Variants in TNIK observed in about 807,000 individuals in gnomAD.
The protein encoded by TNIK is TRAF2 and NCK interacting kinase, also known as TRAF2 and NCK-interacting protein kinase.
In TNIK, 49 loss-of-function variants were observed where a neutral mutation model predicts 191.3. The ratio of observed to expected loss-of-function variants is 0.26; its 90% CI spans 0.20 to 0.32. The LOEUF (loss-of-function observed/expected upper bound fraction) is 0.32. Among genes scored for constraint, TNIK ranks in the 10% least tolerant of loss-of-function variants. The pLI is 1.00. For missense variants in TNIK, 1,155 were observed against 1,702.3 expected (o/e 0.68, Z 5.66); for synonymous variants, 594 against 600.9 (o/e 0.99, Z 0.17).
At chr3:171,315,769 ACTGTGT>A (rs1383433130) in intron 2 of TNIK, among the ~76,000 whole-genome samples, 1 of 151,918 alleles carries the variant, frequency 6.6e-6, no homozygotes, top group African/African-American at 2.4e-5. Flanking sequence ...GGCATTCCCC[ACTGTGT>A]CTGTGTCTGT....
intron 18 of TNIK, among the ~76,000 whole-genome samples, chr3:171,118,093 G>C (rs990244641): frequency 6.6e-6 from 1 of 152,166 alleles, no homozygotes; most frequent in Non-Finnish European, 1.5e-5. Context: ...CTTCAGCAAA[G>C]TCTCAGGATA....
At chr3:171,273,959 A>G (rs1749426524) in intron 2 of TNIK, among the ~76,000 whole-genome samples, 1 of 152,234 alleles carries the variant, frequency 6.6e-6, no homozygotes, top group African/African-American at 2.4e-5. Context: ...TAAGAGATTA[A>G]GCACTGTCAC....
chr3:171,293,766 T>TA (rs1751953097), intron 2 of TNIK, among the ~76,000 whole-genome samples: 1 of 152,158 alleles, frequency 6.6e-6, no homozygotes, highest in Non-Finnish European at 1.5e-5. Context: ...TCAAAATTCA[T>TA]AAAAAATAAC....
intron 2 of TNIK, among the ~76,000 whole-genome samples, chr3:171,308,172 C>A (rs1753658173): frequency 6.6e-6 from 1 of 152,106 alleles, no homozygotes; most frequent in Non-Finnish European, 1.5e-5. Flanking sequence ...AGACTTCAAA[C>A]TATACTACAG....
chr3:171,080,613 A>C (rs938061730), intron 27 of TNIK, among the ~76,000 whole-genome samples: 3 of 151,868 alleles, frequency 2.0e-5, no homozygotes. Context: ...TAATTTTTAT[A>C]TTTTTAGTAG....
chr3:171,138,858 C>G (rs1379525085), intron 14 of TNIK, among the ~76,000 whole-genome samples: 1 of 152,056 alleles, frequency 6.6e-6, no homozygotes, highest in Non-Finnish European at 1.5e-5. Context: ...CATTAGCAAG[C>G]TTATGTACAG....
chr3:171,140,650 G>T, intron 12 of TNIK, 141 bp from the exon 13 acceptor site: 1 of 709,916 alleles, frequency 1.4e-6, no homozygotes. Flanking sequence ...TTCTCTCCGG[G>T]GCTGTTGGAG....
chr3:171,434,252 A>G (rs1480234552), intron 1 of TNIK, among the ~76,000 whole-genome samples: 1 of 151,666 alleles, frequency 6.6e-6, no homozygotes, highest in East Asian at 1.9e-4. Flanking sequence ...ATCTTTTTTC[A>G]AATATATTTT....
chr3:171,337,125 T>C (rs779224616), intron 2 of TNIK, among the ~76,000 whole-genome samples: 1 of 152,228 alleles, frequency 6.6e-6, no homozygotes, highest in Non-Finnish European at 1.5e-5. Flanking sequence ...AACGTAAAAG[T>C]GTGCTGTGCA....
At chr3:171,133,898 C>T (rs1447662843) in intron 15 of TNIK, among the ~76,000 whole-genome samples, 1 of 152,130 alleles carries the variant, frequency 6.6e-6, no homozygotes, top group Non-Finnish European at 1.5e-5. Flanking sequence ...TGTTTGCAAA[C>T]AAACACTCCA....
chr3:171,270,078 T>G lies in TNIK; in HGVS notation c.124-41857A>C, dbSNP rs188747530. ...TGCATATACACCCACATTTACACAC[T>G]TACTTTGAGCAGTTCAATTTCTGCT... On this transcript the variant is annotated intron_variant, in intron 2 of 32. Coordinates refer to ENST00000436636, the MANE Select transcript of TNIK (RefSeq NM_015028.4). Among the ~76,000 whole-genome samples the G allele has an allele frequency of 4.6e-5, 7 of 152,202 alleles. No homozygotes were observed. In the East Asian group the frequency reaches 1.3e-3, roughly 29 times the overall value.
At position 171,089,572 on chromosome 3, in the gene TNIK, T is replaced by C. The variant is rs547495419; in HGVS notation, c.2722-2066A>G. On this transcript the variant is annotated intron_variant, in intron 23 of 32. Transcript: ENST00000436636. ...GGCTAACAAGGGGAAGTGGCTCAGA[T>C]AGTGAGAAGCTTAAAGGAATCCAGT... 3.9e-5 allele frequency among the ~76,000 whole-genome samples: 6 copies of C among 152,274 alleles called. No individual in the cohort carries two copies. The South Asian group carries it at 1.2e-3, about 32-fold the overall frequency.
At chr3:171,279,400 T>G (rs972660978) in intron 2 of TNIK, among the ~76,000 whole-genome samples, 1 of 152,350 alleles carries the variant, frequency 6.6e-6, no homozygotes, top group East Asian at 1.9e-4. Flanking sequence ...TTGGTCAAAT[T>G]GTTTTTAGAC....
At position 171,352,823 on chromosome 3, in the gene TNIK, A is replaced by G. The variant is rs190917430; in HGVS notation, c.123+16797T>C. On this transcript the variant is annotated intron_variant, in intron 2 of 32. Transcript: ENST00000436636. Reference sequence around the variant, plus strand: ...ACGCCTCCTTCTAAGGTACTTTAAAAGGTCAAGTTTTGCCCAAGTCTCCTC... The same window carrying G: ...ACGCCTCCTTCTAAGGTACTTTAAAGGGTCAAGTTTTGCCCAAGTCTCCTC... Among the ~76,000 whole-genome samples the G allele has an allele frequency of 3.9e-4, 60 of 152,298 alleles. No homozygotes were observed. In the East Asian group the frequency reaches 0.011, roughly 27 times the overall value.
chr3:171,276,224 A>AC (rs1749732141), intron 2 of TNIK, among the ~76,000 whole-genome samples: 1 of 152,198 alleles, frequency 6.6e-6, no homozygotes, highest in Non-Finnish European at 1.5e-5. Flanking sequence ...GCCCCTCCAC[A>AC]CCCTTTTATA....
intron 1 of TNIK, among the ~76,000 whole-genome samples, chr3:171,441,868 C>T (rs1461130310): frequency 6.6e-6 from 1 of 152,148 alleles, no homozygotes; most frequent in Non-Finnish European, 1.5e-5. Flanking sequence ...AAAGGTTTGA[C>T]TTTATCAAGT....
intron 2 of TNIK, among the ~76,000 whole-genome samples, chr3:171,264,961 G>C (rs1362456791): frequency 6.6e-6 from 1 of 152,174 alleles, no homozygotes; most frequent in Admixed American, 6.5e-5. Context: ...TGCTGTATTA[G>C]GCCCAGTAGG....
intron 7 of TNIK, among the ~76,000 whole-genome samples, chr3:171,182,959 A>G (rs1289030548): frequency 2.0e-5 from 3 of 152,370 alleles, no homozygotes; most frequent in East Asian, 1.9e-4. Context: ...AGAGAATTCA[A>G]TAAGGAAGAA....
intron 19 of TNIK, among the ~76,000 whole-genome samples, chr3:171,109,191 G>C (rs1230856927): frequency 6.6e-6 from 1 of 152,088 alleles, no homozygotes; most frequent in Non-Finnish European, 1.5e-5. Flanking sequence ...TTTAGAGATG[G>C]GGCTCTGTCA....
Sources: allele counts gnomAD v4.1 joint callset (sites outside exome capture counted in the v4.1 genomes callset), GRCh38; gene constraint gnomAD v4.1.1; transcripts MANE v1.5; gene names NCBI Gene and HGNC (gene_info 2026-07-23, HGNC 2026-07-21).